BTAF1: variants seen among roughly 807,000 people sequenced by gnomAD.
BTAF1 encodes B-TFIID TATA-box binding protein associated factor 1.
A neutral mutation model predicts 227.1 loss-of-function variants in BTAF1; 38 were observed. That is an observed-to-expected ratio of 0.17 (90% CI 0.13 to 0.22). The LOEUF (loss-of-function observed/expected upper bound fraction) is 0.22, where lower values mean the gene tolerates loss of function less well. Among genes scored for constraint, BTAF1 ranks in the 10% least tolerant of loss-of-function variants. The probability of loss-of-function intolerance (pLI) is 1.00; values close to 1 mark genes in which losing one functional copy is unlikely to be tolerated. For missense variants in BTAF1, 1,598 were observed against 2,204.0 expected (o/e 0.73, Z 5.51); for synonymous variants, 742 against 751.9 (o/e 0.99, Z 0.21).
rs772792441 is a variant in BTAF1, at chr10:91,951,504, C to G, written c.502C>G (p.Leu168Val). The change falls in exon 5 of 38, where the codon CTT (leucine) becomes GTT (valine). Residue 168 changes from leucine (L) to valine (V), a missense_variant. By Grantham distance (32) the Leu-to-Val change is conservative. This residue lies in a region of BTAF1 where 298 missense variants were observed against 395.2 expected (regional missense o/e 0.75). Coordinates refer to ENST00000265990, the MANE Select transcript of BTAF1 (RefSeq NM_003972.3). The part of the protein sequence containing the change: ...GEAIGMSTEE[L>V]FNDEDLDYTP... Reference sequence around the variant, plus strand: ...AGCAATTGGAATGAGTACTGAAGAACTTTTCAATGATGAGGATTTGGATTA... The same window carrying G: ...AGCAATTGGAATGAGTACTGAAGAAGTTTTCAATGATGAGGATTTGGATTA... 1.9e-6 allele frequency: 3 copies of G among 1,611,128 alleles called. No homozygotes were observed. Among genetic ancestry groups the G allele is most frequent in the Non-Finnish European group, 2.5e-6 (3 of 1,178,972 alleles).
intron 33 of BTAF1, 30 bp downstream of exon 33, chr10:92,016,495 T>C: frequency 6.6e-7 from 1 of 1,525,028 alleles, no homozygotes; most frequent in Non-Finnish European, 8.8e-7. Flanking sequence ...TTTTTTTTTT[T>C]TGAGATGGAA....
intron 14 of BTAF1, among the ~76,000 whole-genome samples, chr10:91,969,324 A>G (rs747298392): frequency 3.9e-5 from 6 of 152,196 alleles, no homozygotes; most frequent in African/African-American, 7.2e-5. Context: ...AATAACTGAA[A>G]TATACTTTTT....
Position 91,923,805 on chromosome 10 carries a change from G to C in BTAF1, c.-272G>C. On this transcript the variant is annotated 5_prime_UTR_variant, in exon 1 of 38. Transcript: ENST00000265990. ...GCCGACGCCCGCGTCAGCAAAGAGC[G>C]GAGCTGAGGGTACCCGGTTTGAAGT... The C allele has an allele frequency of 9.9e-6, 4 of 405,640 alleles. No homozygotes were observed. In the Admixed American group the frequency reaches 1.8e-4, roughly 18 times the overall value. The allele number at this position is 405,640 out of a possible 1,614,324, so 25.1% of individuals were successfully genotyped here. A position where few individuals can be genotyped will look rare whatever the true frequency, so the allele number is the denominator to read the frequency against.
chr10:91,934,543 C>A (rs944359836), intron 1 of BTAF1, among the ~76,000 whole-genome samples: 4 of 152,068 alleles, frequency 2.6e-5, no homozygotes, highest in Admixed American at 6.6e-5. Context: ...GAGTTTCCTC[C>A]CATTTTACTT....
intron 14 of BTAF1, 70 bp from the exon 15 acceptor site, chr10:91,980,384 T>G (rs1414812202): frequency 5.3e-6 from 6 of 1,135,114 alleles, no homozygotes; most frequent in Non-Finnish European, 7.9e-6. Context: ...TTATTTGACA[T>G]ATAATTCTTC....
Position 92,016,451 on chromosome 10 carries a change from G to C in BTAF1, c.4696G>C (p.Gly1566Arg), listed in dbSNP as rs187034855. ...TGAAAAACCAAAGCTTAAAGCTACA[G>C]GCCACGTATTCCAGGTATAGATTAC... Reference protein sequence around the residue: ...ETEKPKLKATGHVFQALQYLR... With the variant: ...ETEKPKLKATRHVFQALQYLR... The change falls in exon 33 of 38, where the codon GGC (glycine) becomes CGC (arginine). Residue 1566 changes from glycine to arginine, a missense_variant. Coordinates refer to ENST00000265990, the MANE Select transcript of BTAF1 (RefSeq NM_003972.3). 1 of 1,567,836 alleles carries C rather than the reference G, an allele frequency of 6.4e-7. No individual in the cohort carries two copies. Among genetic ancestry groups the C allele is most frequent in the Non-Finnish European group, 8.6e-7 (1 of 1,164,808 alleles).
intron 34 of BTAF1, among the ~76,000 whole-genome samples, chr10:92,024,213 T>G: frequency 6.6e-6 from 1 of 152,232 alleles, no homozygotes; most frequent in East Asian, 1.9e-4. Flanking sequence ...AGCTAAATGC[T>G]TCTTTTCTAT....
At chr10:92,001,799 A>T (rs574333023) in intron 25 of BTAF1, among the ~76,000 whole-genome samples, 1 of 152,088 alleles carries the variant, frequency 6.6e-6, no homozygotes, top group Non-Finnish European at 1.5e-5. Context: ...AGAGACCCAG[A>T]TAATAGATAA....
rs1410412349 is a variant in BTAF1, at chr10:91,992,324, T to C, written c.3045+15T>C. The C allele has an allele frequency of 6.5e-7, 1 of 1,550,284 alleles. No homozygotes were observed. Among genetic ancestry groups the C allele is most frequent in the East Asian group, 2.3e-5 (1 of 44,180 alleles). Reference sequence around the variant, plus strand: ...AACTTGATGAGGTAAGTAGTTTTTTTTTTTTTTTAATGCTTTGATTTTTAA... The same window carrying C: ...AACTTGATGAGGTAAGTAGTTTTTTCTTTTTTTTAATGCTTTGATTTTTAA... On this transcript the variant is annotated intron_variant, in intron 21 of 37. Coordinates refer to ENST00000265990, the MANE Select transcript of BTAF1 (RefSeq NM_003972.3).
chr10:91,975,318 C>A (rs1847605973), intron 14 of BTAF1, among the ~76,000 whole-genome samples: 2 of 152,120 alleles, frequency 1.3e-5, no homozygotes, highest in Admixed American at 1.3e-4. Flanking sequence ...ATTTAACATA[C>A]ACAAATAAGT....
Position 92,029,821 on chromosome 10 carries a change from A to ATTTCT in BTAF1, c.*891_*895dup, listed in dbSNP as rs1851776681. The ATTTCT allele has an allele frequency of 1.3e-5, 2 of 152,566 alleles. No homozygotes were observed. 9.5% of individuals were successfully genotyped at this position (152,566 alleles called of 1,614,324 possible). A position where few individuals can be genotyped will look rare whatever the true frequency, so the allele number is the denominator to read the frequency against. On this transcript the variant is annotated 3_prime_UTR_variant, in exon 38 of 38. Coordinates refer to ENST00000265990, the MANE Select transcript of BTAF1 (RefSeq NM_003972.3). The stretch of plus-strand genomic sequence containing the variant: ...GGCTGAAGCATAAAAGGGAGAGAGA[A>ATTTCT]TTTCTTTATATACACAAACATACAT...
intron 14 of BTAF1, among the ~76,000 whole-genome samples, chr10:91,972,714 A>G (rs1414607841): frequency 1.3e-5 from 2 of 152,218 alleles, no homozygotes; most frequent in African/African-American, 2.4e-5. Context: ...GTGCAGTTCC[A>G]TGATTCCTTT....
intron 6 of BTAF1, among the ~76,000 whole-genome samples, chr10:91,955,943 T>A (rs1442028056): frequency 6.6e-6 from 1 of 152,196 alleles, no homozygotes; most frequent in Non-Finnish European, 1.5e-5. Flanking sequence ...ATGTGCTAAG[T>A]TTTTCTTTTC....
At chr10:91,995,797 C>T (rs1421222675) in intron 23 of BTAF1, among the ~76,000 whole-genome samples, 3 of 152,168 alleles carry the variant, frequency 2.0e-5, no homozygotes, top group African/African-American at 4.8e-5. Flanking sequence ...ATACCTGGCT[C>T]TCATCAGCAT....
intron 33 of BTAF1, among the ~76,000 whole-genome samples, chr10:92,017,540 G>A (rs1167909596): frequency 1.3e-5 from 2 of 151,950 alleles, no homozygotes; most frequent in Non-Finnish European, 2.9e-5. Context: ...TTAAGAGAAG[G>A]GGTCATGTTT....
chr10:92,005,139 G>A (rs932014842), intron 25 of BTAF1, among the ~76,000 whole-genome samples: 14 of 152,060 alleles, frequency 9.2e-5, no homozygotes, highest in African/African-American at 3.1e-4. Context: ...TTATACCTTT[G>A]TAGTATATTT....
chr10:91,935,572 C>T (rs1844553514), intron 1 of BTAF1, 85 bp from the exon 2 acceptor site: 1 of 1,443,224 alleles, frequency 6.9e-7, no homozygotes, highest in South Asian at 1.4e-5. Flanking sequence ...TCATTCATAG[C>T]ATCTGCTCAG....
At chr10:91,938,525 T>A (rs573913512) in intron 2 of BTAF1, among the ~76,000 whole-genome samples, 2 of 152,340 alleles carry the variant, frequency 1.3e-5, no homozygotes, top group African/African-American at 4.8e-5. Flanking sequence ...AAAAGACTAT[T>A]ATTTCTCCAT....
Position 91,953,887 on chromosome 10 carries a change from T to C in BTAF1, c.701+14T>C. ...TAATGAGAAGAGGTAGTAATCTTTTTTTGCCTATTCACTTAAAACAAGAGG... is the reference window on the plus strand; with the variant it reads ...TAATGAGAAGAGGTAGTAATCTTTTCTTGCCTATTCACTTAAAACAAGAGG... On this transcript the variant is annotated intron_variant, in intron 6 of 37. Coordinates refer to ENST00000265990, the MANE Select transcript of BTAF1 (RefSeq NM_003972.3). 1 of 1,612,816 alleles carries C rather than the reference T, an allele frequency of 6.2e-7. No homozygotes were observed. The highest frequency in any genetic ancestry group is 8.5e-7 in the Non-Finnish European group (1 of 1,179,536).
Sources: gnomAD v4.1 joint callset for allele counts (sites outside exome capture counted in the v4.1 genomes callset) on GRCh38, gnomAD v4.1.1 for gene constraint, gnomAD v4.1.1 regional missense constraint, MANE v1.5 for transcripts, NCBI Gene and HGNC (gene_info 2026-07-23, HGNC 2026-07-21) for gene names.